The following CTNNA2 variants were observed in gnomAD, a reference collection of about 807,000 sequenced individuals.
CTNNA2 encodes catenin alpha 2, also known as catenin alpha-2.
A neutral mutation model predicts 101.0 loss-of-function variants in CTNNA2; 42 were observed. The observed-to-expected ratio is 0.42, with a 90% confidence interval of 0.32 to 0.54. The LOEUF (loss-of-function observed/expected upper bound fraction) is 0.54, where lower values mean the gene tolerates loss of function less well. Ranked by LOEUF, CTNNA2 falls within the 20% of genes least tolerant of loss-of-function variation. The pLI is 0.14. For missense variants in CTNNA2, 871 were observed against 1,223.1 expected, an observed-to-expected ratio of 0.71 and a Z score of 4.29; for synonymous variants, 450 against 456.4, an observed-to-expected ratio of 0.99 and a Z score of 0.18.
At chr2:80,138,181 G>A (rs1269464437) in intron 7 of CTNNA2, among the ~76,000 whole-genome samples, 2 of 152,150 alleles carry the variant, frequency 1.3e-5, no homozygotes, top group South Asian at 2.1e-4. Flanking sequence ...TGTCAACAGA[G>A]TGGTCTTAGA....
At chr2:79,772,020 T>C (rs180823230) in intron 3 of CTNNA2, among the ~76,000 whole-genome samples, 17,050 of 139,714 alleles carry the variant, frequency 0.12, 1,063 homozygotes, top group Admixed American at 0.18. Flanking sequence ...CCTCCTCTCC[T>C]CTTCTTTTTT....
intron 4 of CTNNA2, among the ~76,000 whole-genome samples, chr2:79,460,893 G>C (rs1558671437): frequency 6.6e-6 from 1 of 151,910 alleles, no homozygotes; most frequent in Non-Finnish European, 1.5e-5. Flanking sequence ...CCAGGCTGGA[G>C]TGCAGTGGTG....
chr2:80,050,882 A>T (rs939972615), intron 7 of CTNNA2, among the ~76,000 whole-genome samples: 3 of 151,788 alleles, frequency 2.0e-5, no homozygotes, highest in Non-Finnish European at 2.9e-5. Flanking sequence ...AAGCAAACTA[A>T]TTTTTTTATT....
At chr2:80,359,463 A>G (rs1319335951) in intron 7 of CTNNA2, among the ~76,000 whole-genome samples, 2 of 152,164 alleles carry the variant, frequency 1.3e-5, no homozygotes, top group East Asian at 3.9e-4. Flanking sequence ...TGATTGGATC[A>G]TGGGAGTGGA....
At chr2:80,237,645 A>G (rs1709616872) in intron 7 of CTNNA2, among the ~76,000 whole-genome samples, 1 of 152,160 alleles carries the variant, frequency 6.6e-6, no homozygotes, top group African/African-American at 2.4e-5. Context: ...TGTGGAACAG[A>G]CACCTGCATA....
At chr2:80,137,560 G>A (rs1029724145) in intron 7 of CTNNA2, among the ~76,000 whole-genome samples, 1 of 152,084 alleles carries the variant, frequency 6.6e-6, no homozygotes, top group Non-Finnish European at 1.5e-5. Context: ...GAAGAAATGG[G>A]ACTTTGAGGT....
chr2:79,598,349 A>T (rs910049514), intron 1 of CTNNA2, among the ~76,000 whole-genome samples: 1 of 152,236 alleles, frequency 6.6e-6, no homozygotes, highest in Non-Finnish European at 1.5e-5. Flanking sequence ...GCTGGATTGT[A>T]TGGTAAGAGT....
intron 7 of CTNNA2, among the ~76,000 whole-genome samples, chr2:80,252,986 G>A (rs776688303): frequency 8.5e-5 from 13 of 152,146 alleles, no homozygotes; most frequent in Non-Finnish European, 1.5e-4. Flanking sequence ...AGTAAGGCCA[G>A]GAAGCAGTAG....
chr2:80,122,505 G>T (rs77961849), intron 7 of CTNNA2, among the ~76,000 whole-genome samples: 2 of 152,038 alleles, frequency 1.3e-5, no homozygotes, highest in East Asian at 3.9e-4. Flanking sequence ...GCTGAAAATT[G>T]GAGGGTTGAA....
chr2:80,362,708 G>A (rs944970825), intron 7 of CTNNA2, among the ~76,000 whole-genome samples: 19 of 152,064 alleles, frequency 1.2e-4, no homozygotes, highest in African/African-American at 3.6e-4. Context: ...ACATTTATCG[G>A]TTGGAGTTGA....
At chr2:79,590,960 A>G (rs561760812) in intron 1 of CTNNA2, among the ~76,000 whole-genome samples, 85 of 152,292 alleles carry the variant, frequency 5.6e-4, no homozygotes, top group Middle Eastern at 6.8e-3. Flanking sequence ...AAGCACAAGG[A>G]CTGAATGGCA....
At chr2:80,638,407 C>G (rs1482341851) in intron 18 of CTNNA2, among the ~76,000 whole-genome samples, 1 of 152,024 alleles carries the variant, frequency 6.6e-6, no homozygotes, top group Non-Finnish European at 1.5e-5. Flanking sequence ...AAACCAATAA[C>G]TTAGAGGAGG....
intron 4 of CTNNA2, among the ~76,000 whole-genome samples, chr2:79,468,883 T>C (rs1441705457): frequency 1.3e-5 from 2 of 152,202 alleles, no homozygotes; most frequent in Non-Finnish European, 2.9e-5. Flanking sequence ...GAAAGCAGTG[T>C]GTAGAGGGAA....
chr2:79,439,243 A>G (rs780045318), intron 4 of CTNNA2, among the ~76,000 whole-genome samples: 1 of 152,240 alleles, frequency 6.6e-6, no homozygotes, highest in African/African-American at 2.4e-5. Flanking sequence ...GCATAAAAAG[A>G]AATGAAGCAC....
At chr2:80,523,602 C>T (rs1689763424) in intron 9 of CTNNA2, among the ~76,000 whole-genome samples, 1 of 152,178 alleles carries the variant, frequency 6.6e-6, no homozygotes, top group Non-Finnish European at 1.5e-5. Flanking sequence ...AATGATGGGG[C>T]TGGGCTCTAC....
At chr2:80,387,257 C>G (rs951380728) in intron 7 of CTNNA2, among the ~76,000 whole-genome samples, 2 of 151,956 alleles carry the variant, frequency 1.3e-5, no homozygotes, top group Non-Finnish European at 2.9e-5. Flanking sequence ...CCACTGCACT[C>G]CAGCCTGGGC....
At chr2:79,670,371 C>T (rs1464758276) in intron 2 of CTNNA2, among the ~76,000 whole-genome samples, 2 of 152,270 alleles carry the variant, frequency 1.3e-5, no homozygotes, top group East Asian at 1.9e-4. Context: ...GGGTAGGGCT[C>T]CTGACTGCTC....
chr2:80,169,920 A>G (rs1445313582), intron 7 of CTNNA2, among the ~76,000 whole-genome samples: 1 of 152,184 alleles, frequency 6.6e-6, no homozygotes, highest in Non-Finnish European at 1.5e-5. Context: ...ATTTATATTT[A>G]TATTTGTAAT....
intron 7 of CTNNA2, among the ~76,000 whole-genome samples, chr2:80,276,435 C>CT (rs1193196311): frequency 1.3e-5 from 2 of 152,138 alleles, no homozygotes; most frequent in Admixed American, 6.5e-5. Context: ...CCTAGAGTGT[C>CT]TTTGTCCATT....
Sources: gnomAD v4.1 joint callset for allele counts (sites outside exome capture counted in the v4.1 genomes callset) on GRCh38, gnomAD v4.1.1 for gene constraint, MANE v1.5 for transcripts, NCBI Gene and HGNC (gene_info 2026-07-23, HGNC 2026-07-21) for gene names.